PLEKHH2: variants seen among roughly 807,000 people sequenced by gnomAD.
PLEKHH2 encodes the protein pleckstrin homology domain-containing family H member 2.
A neutral mutation model predicts 187.9 loss-of-function variants in PLEKHH2; 129 were observed. The ratio of observed to expected loss-of-function variants is 0.69; its 90% CI spans 0.59 to 0.79. The LOEUF (loss-of-function observed/expected upper bound fraction) is 0.79, where lower values mean the gene tolerates loss of function less well. Ranked by LOEUF, PLEKHH2 falls within the 30% of genes least tolerant of loss-of-function variation. PLEKHH2 has a pLI of 0.00. For synonymous variants in PLEKHH2, 686 were observed against 605.6 expected (o/e 1.13, Z -1.95); for missense variants, 2,076 against 1,751.2 (o/e 1.19, Z -3.31).
chr2:43,709,486 T>A (rs1669834395), intron 11 of PLEKHH2, among the ~76,000 whole-genome samples: 2 of 152,234 alleles, frequency 1.3e-5, no homozygotes, highest in Admixed American at 6.5e-5. Flanking sequence ...AATAGCTGTG[T>A]GATTGTAATC....
rs777638101 is a variant in PLEKHH2 at position 43,731,565 on chromosome 2, C to A, written c.2906C>A (p.Ser969Tyr). ...ATTTCCCCTCTGACAACTCTACCTT[C>A]CGAAGCCCTGCAGACAGAAGCTATT... ...GIISPLTTLP[S>Y]EALQTEAIKL... Residue 969 changes from serine (S) to tyrosine (Y), a missense_variant, in exon 19 of 30, where the codon TCC (serine) becomes TAC (tyrosine). Ser to Tyr is a moderately radical substitution (Grantham distance 144). Transcript: ENST00000282406. The A allele has an allele frequency of 1.3e-5, 20 of 1,599,996 alleles. 1 individual carries two copies. In the South Asian group the frequency reaches 2.2e-4, roughly 18 times the overall value.
chr2:43,738,573 G>A, intron 20 of PLEKHH2, 53 bp downstream of exon 20: 2 of 1,445,168 alleles, frequency 1.4e-6, no homozygotes, highest in Non-Finnish European at 1.9e-6. Flanking sequence ...TTTTTTTTCT[G>A]ATTGTAAGAA....
chr2:43,732,716 C>T (rs17039137), intron 19 of PLEKHH2, among the ~76,000 whole-genome samples: 2,409 of 152,214 alleles, frequency 0.016, 157 homozygotes, highest in East Asian at 0.11. Context: ...ATGATAACTG[C>T]GTCCTGGCTT....
At chr2:43,755,895 G>A (rs947948095) in intron 25 of PLEKHH2, among the ~76,000 whole-genome samples, 23 of 152,200 alleles carry the variant, frequency 1.5e-4, no homozygotes, top group Admixed American at 3.9e-4. Flanking sequence ...CTTAAGGGCT[G>A]AGCCTGGAAA....
At chr2:43,756,689 T>C (rs72793005) in intron 25 of PLEKHH2, among the ~76,000 whole-genome samples, 9,548 of 152,288 alleles carry the variant, frequency 0.063, 445 homozygotes, top group Middle Eastern at 0.13. Flanking sequence ...GGCTCACGCT[T>C]GCAATCCCAA....
At chr2:43,655,991 C>T (rs1178096955) in intron 2 of PLEKHH2, among the ~76,000 whole-genome samples, 8 of 150,890 alleles carry the variant, frequency 5.3e-5, no homozygotes, top group Non-Finnish European at 1.5e-5. Context: ...TAGAGTCTCG[C>T]TGTATTGCCC....
chr2:43,689,064 C>T (rs1247941275), intron 3 of PLEKHH2, among the ~76,000 whole-genome samples: 4 of 152,046 alleles, frequency 2.6e-5, no homozygotes, highest in Non-Finnish European at 5.9e-5. Flanking sequence ...GTGGTGTGGC[C>T]CAAGATCTCA....
intron 2 of PLEKHH2, among the ~76,000 whole-genome samples, chr2:43,668,472 A>G (rs1249573560): frequency 1.3e-5 from 2 of 152,208 alleles, no homozygotes; most frequent in Non-Finnish European, 2.9e-5. Flanking sequence ...TCATAATCAT[A>G]AAGAGCTCAG....
At chr2:43,718,497 C>T (rs993538186) in intron 15 of PLEKHH2, among the ~76,000 whole-genome samples, 4 of 150,824 alleles carry the variant, frequency 2.7e-5, no homozygotes, top group African/African-American at 9.8e-5. Context: ...GAGATGGCGC[C>T]ACTGCACTCC....
intron 2 of PLEKHH2, among the ~76,000 whole-genome samples, chr2:43,648,701 C>A (rs1230671376): frequency 6.6e-6 from 1 of 151,932 alleles, no homozygotes; most frequent in African/African-American, 2.4e-5. Context: ...CCACCTCAGC[C>A]TCCCAAGTAG....
intron 23 of PLEKHH2, 102 bp downstream of exon 23, chr2:43,744,091 C>A: frequency 2.7e-6 from 4 of 1,473,022 alleles, no homozygotes; most frequent in South Asian, 3.0e-5. Flanking sequence ...CAGGAGTTTT[C>A]CAAAACTTTA....
At chr2:43,725,583 G>C (rs926019706) in intron 16 of PLEKHH2, among the ~76,000 whole-genome samples, 3 of 152,146 alleles carry the variant, frequency 2.0e-5, no homozygotes, top group Admixed American at 1.3e-4. Context: ...TTTTCTGCTG[G>C]GGACTTGCTT....
At chr2:43,740,900 C>G in intron 20 of PLEKHH2, 46 bp from the exon 21 acceptor site, 2 of 1,600,660 alleles carry the variant, frequency 1.2e-6, no homozygotes, top group Non-Finnish European at 1.7e-6. Flanking sequence ...ATGTGGATCT[C>G]TGACTGGCAC....
chr2:43,666,305 T>G (rs1044218300), intron 2 of PLEKHH2, among the ~76,000 whole-genome samples: 1 of 151,324 alleles, frequency 6.6e-6, no homozygotes, highest in African/African-American at 2.5e-5. Context: ...GCTTCCCAGG[T>G]AAGGCAATGC....
intron 3 of PLEKHH2, among the ~76,000 whole-genome samples, chr2:43,689,975 C>G (rs565874615): frequency 3.3e-5 from 5 of 152,168 alleles, no homozygotes; most frequent in Non-Finnish European, 5.9e-5. Flanking sequence ...TAAAAGGACA[C>G]TAGATGTAGG....
At chr2:43,698,511 A>T (rs1669201590) in intron 7 of PLEKHH2, among the ~76,000 whole-genome samples, 1 of 152,124 alleles carries the variant, frequency 6.6e-6, no homozygotes, top group Non-Finnish European at 1.5e-5. Context: ...GCCTCCCAAA[A>T]GTGCTGGATT....
At chr2:43,648,028 G>T (rs1666266948) in intron 2 of PLEKHH2, among the ~76,000 whole-genome samples, 1 of 152,190 alleles carries the variant, frequency 6.6e-6, no homozygotes, top group Non-Finnish European at 1.5e-5. Context: ...CATTAAGGCT[G>T]AGAGTAATTG....
In PLEKHH2 at chr2:43,755,259, G is replaced by A. The variant is rs543338943; in HGVS notation, c.3795+1499G>A. On this transcript the variant is annotated intron_variant, in intron 25 of 29. Coordinates refer to ENST00000282406, the MANE Select transcript of PLEKHH2 (RefSeq NM_172069.4). The stretch of plus-strand genomic sequence containing the variant: ...CCTCTTTATGATACTGCCTCCACCC[G>A]GTCCCCCAAACAAGCTTCACACCTG... Among the ~76,000 whole-genome samples, 7 of 152,002 alleles carry A rather than the reference G, an allele frequency of 4.6e-5. No homozygotes were observed. The South Asian group carries it at 1.0e-3, about 23-fold the overall frequency.
intron 24 of PLEKHH2, among the ~76,000 whole-genome samples, chr2:43,750,329 G>A (rs1671957009): frequency 6.6e-6 from 1 of 152,130 alleles, no homozygotes; most frequent in Admixed American, 6.5e-5. Context: ...AAAATTAGCT[G>A]GGCATGGTGG....
Sources: gnomAD v4.1 joint callset for allele counts (sites outside exome capture counted in the v4.1 genomes callset) on GRCh38, gnomAD v4.1.1 for gene constraint, MANE v1.5 for transcripts, NCBI Gene and HGNC (gene_info 2026-07-23, HGNC 2026-07-21) for gene names.